The following ZMIZ1 variants were observed in gnomAD, a reference collection of about 807,000 sequenced individuals.
ZMIZ1 encodes the protein zinc finger MIZ domain-containing protein 1.
In ZMIZ1, 17 loss-of-function variants were observed where a neutral mutation model predicts 113.9. The ratio of observed to expected loss-of-function variants is 0.15; its 90% CI spans 0.10 to 0.22. The LOEUF is 0.22. ZMIZ1 is among the 10% of genes least tolerant of loss of function. The pLI, the probability that ZMIZ1 is intolerant of heterozygous loss-of-function variation, is 1.00. For synonymous variants in ZMIZ1, 607 were observed against 603.1 expected (o/e 1.01, Z -0.09); for missense variants, 1,059 against 1,477.8 (o/e 0.72, Z 4.65).
At chr10:79,217,877 A>G (rs1396190552) in intron 7 of ZMIZ1, among the ~76,000 whole-genome samples, 2 of 152,242 alleles carry the variant, frequency 1.3e-5, no homozygotes, top group Non-Finnish European at 2.9e-5. Flanking sequence ...AGGGACATCT[A>G]TTCCTGATGG....
At position 79,274,255 on chromosome 10, in the gene ZMIZ1, A is replaced by G. The variant is rs115973441; in HGVS notation, c.281-2926A>G. The stretch of plus-strand genomic sequence containing the variant: ...CACACCAGGTCCTCCCGTCTCTCCC[A>G]CTCACCCTGGGACTGTTTTTGCCAT... On this transcript the variant is annotated intron_variant, in intron 7 of 24. Transcript: ENST00000334512. Among the ~76,000 whole-genome samples, 792 of 152,188 alleles carry G rather than the reference A, an allele frequency of 5.2e-3. 8 individuals carry two copies. The highest frequency in any genetic ancestry group is 0.018 in the African/African-American group (744 of 41,508).
At chr10:79,255,370 C>T (rs1052313986) in intron 7 of ZMIZ1, among the ~76,000 whole-genome samples, 1 of 152,326 alleles carries the variant, frequency 6.6e-6, no homozygotes, top group Non-Finnish European at 1.5e-5. Context: ...TTGCCCCCAC[C>T]CTTCTTCGGG....
Position 79,213,545 on chromosome 10 carries a change from G to A in ZMIZ1, c.175-2624G>A, listed in dbSNP as rs899347997. Among the ~76,000 whole-genome samples, 15 of 152,288 alleles carry A rather than the reference G, an allele frequency of 9.8e-5. 1 individual carries two copies. In the Middle Eastern group the frequency reaches 0.01, roughly 104 times the overall value. Reference sequence around the variant, plus strand: ...ACCCACCCGGCTGGCCCTTAGAGCCGCCATACAGCACCAAGCCCCTCTAGC... The same window carrying A: ...ACCCACCCGGCTGGCCCTTAGAGCCACCATACAGCACCAAGCCCCTCTAGC... On this transcript the variant is annotated intron_variant, in intron 6 of 24. Coordinates refer to ENST00000334512, the MANE Select transcript of ZMIZ1 (RefSeq NM_020338.4).
intron 4 of ZMIZ1, among the ~76,000 whole-genome samples, chr10:79,185,987 G>A (rs1374271068): frequency 2.0e-5 from 3 of 152,114 alleles, no homozygotes; most frequent in Non-Finnish European, 4.4e-5. Context: ...ATGACCCCAA[G>A]AGTTACTGTT....
intron 7 of ZMIZ1, among the ~76,000 whole-genome samples, chr10:79,252,148 C>T (rs896787096): frequency 2.6e-5 from 4 of 152,176 alleles, no homozygotes; most frequent in Admixed American, 2.0e-4. Context: ...CAAGGGCACC[C>T]GTAGACAGCA....
rs541855609 is a variant in ZMIZ1, at chr10:79,092,523, G to A, written c.-337+23253G>A. The stretch of plus-strand genomic sequence containing the variant: ...AGACCCAGGCTTGGGCTGCGGCTAG[G>A]GGTGTCCCCCTGTGGGCAGAGCCCC... On this transcript the variant is annotated intron_variant, in intron 1 of 24. Coordinates refer to ENST00000334512, the MANE Select transcript of ZMIZ1 (RefSeq NM_020338.4). Among the ~76,000 whole-genome samples, 3 of 152,382 alleles carry A rather than the reference G, an allele frequency of 2.0e-5. No individual in the cohort carries two copies. The South Asian group carries it at 6.2e-4, about 32-fold the overall frequency.
chr10:79,085,138 C>T (rs1423099057), intron 1 of ZMIZ1, among the ~76,000 whole-genome samples: 1 of 152,194 alleles, frequency 6.6e-6, no homozygotes, highest in Non-Finnish European at 1.5e-5. Context: ...GGTGGCAGGG[C>T]TGAGTGGGTG....
chr10:79,166,245 G>A (rs2132513058), intron 4 of ZMIZ1, among the ~76,000 whole-genome samples: 1 of 152,330 alleles, frequency 6.6e-6, no homozygotes, highest in Admixed American at 6.5e-5. Flanking sequence ...CCTCCCAGCA[G>A]CACGGCTGCA....
chr10:79,114,134 TTCC>T (rs1843884334), intron 1 of ZMIZ1, among the ~76,000 whole-genome samples: 1 of 152,216 alleles, frequency 6.6e-6, no homozygotes, highest in African/African-American at 2.4e-5. Flanking sequence ...AGCGGCAGAC[TTCC>T]CTGCCCGGCA....
At chr10:79,088,023 A>C (rs1842867611) in intron 1 of ZMIZ1, among the ~76,000 whole-genome samples, 1 of 152,224 alleles carries the variant, frequency 6.6e-6, no homozygotes, top group African/African-American at 2.4e-5. Context: ...GCTCCCTGCA[A>C]GTTGAATAAC....
intron 16 of ZMIZ1, among the ~76,000 whole-genome samples, chr10:79,300,444 G>C (rs1446260051): frequency 6.6e-6 from 1 of 152,202 alleles, no homozygotes; most frequent in Non-Finnish European, 1.5e-5. Flanking sequence ...TGGGGATCCA[G>C]GAGTTGACCC....
chr10:79,209,974 G>A (rs1020132969), intron 6 of ZMIZ1, among the ~76,000 whole-genome samples: 1 of 152,226 alleles, frequency 6.6e-6, no homozygotes, highest in East Asian at 1.9e-4. Flanking sequence ...GGCTCCCTCA[G>A]GCCACCGGGC....
intron 19 of ZMIZ1, among the ~76,000 whole-genome samples, chr10:79,304,428 G>A (rs1178427054): frequency 6.6e-6 from 1 of 152,232 alleles, no homozygotes; most frequent in African/African-American, 2.4e-5. Flanking sequence ...GATGCCAGCT[G>A]GAAGTCCCAC....
At chr10:79,182,339 C>T (rs1282065363) in intron 4 of ZMIZ1, among the ~76,000 whole-genome samples, 1 of 152,180 alleles carries the variant, frequency 6.6e-6, no homozygotes, top group Non-Finnish European at 1.5e-5. Context: ...CACCCACCTC[C>T]TTCTTGCCCA....
chr10:79,306,441 G>C, intron 22 of ZMIZ1, 97 bp downstream of exon 22: 1 of 1,533,950 alleles, frequency 6.5e-7, no homozygotes, highest in Non-Finnish European at 8.7e-7. Context: ...AGGGGTCGGG[G>C]GTGTGGTTGA....
intron 18 of ZMIZ1, 22 bp from the exon 19 acceptor site, chr10:79,303,993 G>C (rs1854514441): frequency 6.2e-7 from 1 of 1,613,322 alleles, no homozygotes; most frequent in Non-Finnish European, 8.5e-7. Flanking sequence ...ATCCTCACCT[G>C]TCTGTGCCTC....
intron 7 of ZMIZ1, among the ~76,000 whole-genome samples, chr10:79,240,989 A>G (rs1230456110): frequency 6.6e-6 from 1 of 152,144 alleles, no homozygotes; most frequent in African/African-American, 2.4e-5. Flanking sequence ...GGAAGTCCCA[A>G]ACATGCGGGT....
At chr10:79,141,300 T>TAA (rs1389632215) in intron 3 of ZMIZ1, among the ~76,000 whole-genome samples, 1 of 152,212 alleles carries the variant, frequency 6.6e-6, no homozygotes, top group Non-Finnish European at 1.5e-5. Flanking sequence ...TCCCTGCCCT[T>TAA]ACGGCGCTTG....
At chr10:79,229,879 G>A (rs1005719009) in intron 7 of ZMIZ1, among the ~76,000 whole-genome samples, 3 of 152,122 alleles carry the variant, frequency 2.0e-5, no homozygotes, top group Non-Finnish European at 2.9e-5. Flanking sequence ...GACGGTGAGG[G>A]GATAGTCATC....
Sources: gnomAD v4.1 joint callset for allele counts (sites outside exome capture counted in the v4.1 genomes callset) on GRCh38, gnomAD v4.1.1 for gene constraint, MANE v1.5 for transcripts, NCBI Gene and HGNC (gene_info 2026-07-23, HGNC 2026-07-21) for gene names.